Variants in CNTN3 observed in about 807,000 individuals in gnomAD.
The protein encoded by CNTN3 is contactin 3.
Under a neutral mutation model 119.1 loss-of-function variants are expected in CNTN3, and 60 were observed. That is an observed-to-expected ratio of 0.50 (90% confidence interval 0.41 to 0.62). The LOEUF is 0.62. Ranked by LOEUF, CNTN3 falls within the 20% of genes least tolerant of loss-of-function variation. The probability of loss-of-function intolerance (pLI) is 0.00; values close to 1 mark genes in which losing one functional copy is unlikely to be tolerated. For synonymous variants in CNTN3, 450 were observed against 438.7 expected (o/e 1.03, Z -0.32); for missense variants, 1,101 against 1,242.4 (o/e 0.89, Z 1.71).
chr3:74,483,008 C>T (rs992821073), intron 4 of CNTN3, among the ~76,000 whole-genome samples: 9 of 152,086 alleles, frequency 5.9e-5, no homozygotes, highest in African/African-American at 2.2e-4. Flanking sequence ...GAATATTAAA[C>T]AACATTTTTT....
At chr3:74,515,533 A>G (rs1360962878) in intron 2 of CNTN3, among the ~76,000 whole-genome samples, 1 of 152,066 alleles carries the variant, frequency 6.6e-6, no homozygotes, top group African/African-American at 2.4e-5. Flanking sequence ...ATAAATCAGC[A>G]AGAATTATTT....
intron 5 of CNTN3, among the ~76,000 whole-genome samples, chr3:74,381,521 C>T (rs1187530667): frequency 1.3e-5 from 2 of 152,048 alleles, no homozygotes; most frequent in African/African-American, 4.8e-5. Context: ...GCTTCAGGTT[C>T]AAGTCAAATA....
chr3:74,396,487 G>A lies in CNTN3; in HGVS notation c.455-25088C>T, dbSNP rs541071932. On this transcript the variant is annotated intron_variant, in intron 5 of 22. Transcript: ENST00000263665. ...AACTTTCTTCAACTTTATAAAAGCTGGGAAAACCCAGTACTTTGGGAGGCC... is the reference window on the plus strand; with the variant it reads ...AACTTTCTTCAACTTTATAAAAGCTAGGAAAACCCAGTACTTTGGGAGGCC... Among the ~76,000 whole-genome samples, 6 of 152,170 alleles carry A rather than the reference G, an allele frequency of 3.9e-5. No individual in the cohort carries two copies. The South Asian group carries it at 1.2e-3, about 32-fold the overall frequency.
intron 4 of CNTN3, among the ~76,000 whole-genome samples, chr3:74,453,529 C>T (rs546054123): frequency 6.6e-6 from 1 of 151,770 alleles, no homozygotes; most frequent in Non-Finnish European, 1.5e-5. Context: ...GTTCTGCTCT[C>T]ATCTTAGTTA....
chr3:74,325,896 A>G (rs962233948), intron 13 of CNTN3, among the ~76,000 whole-genome samples: 5 of 152,144 alleles, frequency 3.3e-5, no homozygotes, highest in Admixed American at 1.3e-4. Context: ...ATACCCCCAG[A>G]ATATTCTCTG....
At chr3:74,350,240 C>G (rs747561168) in intron 11 of CNTN3, among the ~76,000 whole-genome samples, 1 of 152,106 alleles carries the variant, frequency 6.6e-6, no homozygotes, top group Non-Finnish European at 1.5e-5. Context: ...AGACTTATTA[C>G]TCTTAAGGCA....
At position 74,301,630 on chromosome 3, in the gene CNTN3, T is replaced by G. The variant is rs1381247957; in HGVS notation, c.1945+17A>C. The G allele has an allele frequency of 6.2e-7, 1 of 1,613,646 alleles. No individual in the cohort carries two copies. Among genetic ancestry groups the G allele is most frequent in the Non-Finnish European group, 8.5e-7 (1 of 1,179,732 alleles). On this transcript the variant is annotated intron_variant, in intron 15 of 22. Coordinates refer to ENST00000263665, the MANE Select transcript of CNTN3 (RefSeq NM_020872.3). ...CATTTATATGTGTGCAGATGACATC[T>G]GCCTCTCCTGCTTTACCTGTTGTGA...
At position 74,266,639 on chromosome 3, in the gene CNTN3, C is replaced by T; in HGVS notation, c.2828G>A (p.Arg943Lys). The T allele has an allele frequency of 6.2e-7, 1 of 1,612,962 alleles. No individual in the cohort carries two copies. The highest frequency in any genetic ancestry group is 8.5e-7 in the Non-Finnish European group (1 of 1,179,298). Residue 943 changes from arginine to lysine, a missense_variant, in exon 22 of 23, where the codon AGG becomes AAG. Physicochemically the swap from Arg to Lys is conservative, Grantham distance 26. Coordinates refer to ENST00000263665, the MANE Select transcript of CNTN3 (RefSeq NM_020872.3). ...TTGTACGTTATTTTGACTGCTAGTC[C>T]TATAGAAAACCTAAAATGCATGAAC... ...SEVTGYKVFY[R>K]TSSQNNVQVL...
intron 1 of CNTN3, among the ~76,000 whole-genome samples, chr3:74,546,476 C>A (rs901667375): frequency 2.0e-5 from 3 of 152,182 alleles, no homozygotes; most frequent in African/African-American, 7.2e-5. Context: ...TGGGCACAAT[C>A]TAATCAGCTG....
At chr3:74,464,546 C>T (rs540325603) in intron 4 of CNTN3, among the ~76,000 whole-genome samples, 1 of 152,202 alleles carries the variant, frequency 6.6e-6, no homozygotes, top group Admixed American at 6.5e-5. Flanking sequence ...CCCCAGAGTG[C>T]TTACATCCTG....
chr3:74,495,191 T>C (rs1261491530), intron 3 of CNTN3, among the ~76,000 whole-genome samples: 1 of 152,048 alleles, frequency 6.6e-6, no homozygotes, highest in Non-Finnish European at 1.5e-5. Flanking sequence ...CACAGAGATC[T>C]GGACTTATAA....
At chr3:74,410,043 A>G (rs1701412111) in intron 5 of CNTN3, among the ~76,000 whole-genome samples, 1 of 152,190 alleles carries the variant, frequency 6.6e-6, no homozygotes, top group African/African-American at 2.4e-5. Context: ...CATTTTGGAA[A>G]TACGGAATTT....
At chr3:74,287,473 T>C (rs113055614) in intron 19 of CNTN3, among the ~76,000 whole-genome samples, 1 of 152,240 alleles carries the variant, frequency 6.6e-6, no homozygotes, top group South Asian at 2.1e-4. Context: ...TCAGAAATAC[T>C]CTTTTAATAG....
At chr3:74,289,630 G>A (rs911731986) in intron 19 of CNTN3, among the ~76,000 whole-genome samples, 2 of 152,070 alleles carry the variant, frequency 1.3e-5, no homozygotes, top group Admixed American at 6.6e-5. Context: ...GTCTCTTTCG[G>A]CCATTTTGAC....
chr3:74,386,694 T>C (rs1272484476), intron 5 of CNTN3, among the ~76,000 whole-genome samples: 2 of 152,254 alleles, frequency 1.3e-5, no homozygotes, highest in African/African-American at 4.8e-5. Flanking sequence ...TATTCTTCAG[T>C]TTCCTTGTTT....
intron 11 of CNTN3, among the ~76,000 whole-genome samples, chr3:74,338,401 T>G (rs1178886240): frequency 6.6e-6 from 1 of 152,122 alleles, no homozygotes; most frequent in Non-Finnish European, 1.5e-5. Context: ...TGTGTGTATA[T>G]ATATACATAT....
At chr3:74,487,246 G>A (rs536647028) in intron 3 of CNTN3, among the ~76,000 whole-genome samples, 2 of 152,264 alleles carry the variant, frequency 1.3e-5, no homozygotes, top group South Asian at 4.1e-4. Flanking sequence ...TTATCAACGA[G>A]AAGCCTAAAG....
At chr3:74,283,528 T>G (rs999690366) in intron 20 of CNTN3, among the ~76,000 whole-genome samples, 59 of 152,314 alleles carry the variant, frequency 3.9e-4, no homozygotes, top group African/African-American at 1.3e-3. Flanking sequence ...TGATTTCTAA[T>G]CAGTCTCTTC....
At chr3:74,579,255 T>C (rs1373487741) in intron 1 of CNTN3, among the ~76,000 whole-genome samples, 1 of 151,774 alleles carries the variant, frequency 6.6e-6, no homozygotes, top group East Asian at 1.9e-4. Flanking sequence ...AAATACAGCA[T>C]GCACAAATTG....
Sources: gnomAD v4.1 joint callset for allele counts (sites outside exome capture counted in the v4.1 genomes callset) on GRCh38, gnomAD v4.1.1 for gene constraint, MANE v1.5 for transcripts, NCBI Gene and HGNC (gene_info 2026-07-23, HGNC 2026-07-21) for gene names.